Variants in KCNIP4 observed in about 807,000 individuals in gnomAD.
KCNIP4 encodes Kv channel-interacting protein 4.
In KCNIP4, 12 loss-of-function variants were observed where a neutral mutation model predicts 34.0. The observed-to-expected ratio is 0.35, with a 90% CI of 0.23 to 0.57. KCNIP4 has a LOEUF of 0.57. Ranked by LOEUF, KCNIP4 falls within the 20% of genes least tolerant of loss-of-function variation. The probability of loss-of-function intolerance (pLI) is 0.83; values close to 1 mark genes in which losing one functional copy is unlikely to be tolerated. For missense variants in KCNIP4, 238 were observed against 311.7 expected (o/e 0.76, Z 1.78); for synonymous variants, 124 against 102.2 (o/e 1.21, Z -1.29).
chr4:21,208,050 C>T (rs926049085), intron 1 of KCNIP4, among the ~76,000 whole-genome samples: 4 of 151,702 alleles, frequency 2.6e-5, no homozygotes, highest in African/African-American at 9.7e-5. Context: ...GCCATGTTAC[C>T]CAGGCTGGTC....
chr4:21,597,711 G>T (rs1408307466), intron 1 of KCNIP4, among the ~76,000 whole-genome samples: 1 of 152,128 alleles, frequency 6.6e-6, no homozygotes, highest in East Asian at 1.9e-4. Flanking sequence ...GATTGGGGAT[G>T]ACCCAAAATT....
intron 3 of KCNIP4, among the ~76,000 whole-genome samples, chr4:20,806,335 CTT>C (rs1019047548): frequency 6.6e-6 from 1 of 151,844 alleles, no homozygotes; most frequent in Non-Finnish European, 1.5e-5. Context: ...CACCATCTCT[CTT>C]GTGTGCTTTT....
intron 1 of KCNIP4, among the ~76,000 whole-genome samples, chr4:21,319,812 C>T (rs1714181417): frequency 1.3e-5 from 2 of 152,094 alleles, no homozygotes; most frequent in Non-Finnish European, 2.9e-5. Flanking sequence ...TTTTGTTTTA[C>T]AAAACTGGTC....
At position 21,534,321 on chromosome 4, in the gene KCNIP4, T is replaced by C. The variant is rs192679511; in HGVS notation, c.61+414250A>G. On this transcript the variant is annotated intron_variant, in intron 1 of 8. Coordinates refer to ENST00000382152, the MANE Select transcript of KCNIP4 (RefSeq NM_025221.6). ...GCACTAGAAGAGCATATCAGTAATA[T>C]CTTGTTCTTTAAATAAATTACTAGC... Among the ~76,000 whole-genome samples the C allele has an allele frequency of 1.8e-3, 276 of 152,330 alleles. 1 individual carries two copies. Among genetic ancestry groups the C allele is most frequent in the African/African-American group, 6.3e-3 (262 of 41,566 alleles).
intron 1 of KCNIP4, among the ~76,000 whole-genome samples, chr4:21,680,102 A>G (rs979745246): frequency 2.0e-5 from 3 of 152,212 alleles, no homozygotes; most frequent in Admixed American, 6.5e-5. Flanking sequence ...TACCCACAAG[A>G]TAACTTTTTT....
At chr4:21,247,759 T>TATATATATATATATATACACAC (rs1366204923) in intron 1 of KCNIP4, among the ~76,000 whole-genome samples, 5 of 120,012 alleles carry the variant, frequency 4.2e-5, no homozygotes, top group Non-Finnish European at 6.6e-5. Context: ...TATATATATA[T>TATATATATATATATATACACAC]ACACCCCACA....
intron 1 of KCNIP4, among the ~76,000 whole-genome samples, chr4:21,539,224 C>G (rs1737475749): frequency 6.6e-6 from 1 of 152,152 alleles, no homozygotes; most frequent in African/African-American, 2.4e-5. Context: ...CTAATACACT[C>G]TCAAAATCCA....
At chr4:21,589,265 G>GTGTATAT (rs1560540556) in intron 1 of KCNIP4, among the ~76,000 whole-genome samples, 1 of 113,436 alleles carries the variant, frequency 8.8e-6, no homozygotes, top group African/African-American at 3.9e-5. Context: ...TATCTATACA[G>GTGTATAT]ATACATATAT....
At chr4:21,057,317 G>T (rs1414730755) in intron 1 of KCNIP4, among the ~76,000 whole-genome samples, 1 of 152,132 alleles carries the variant, frequency 6.6e-6, no homozygotes, top group Non-Finnish European at 1.5e-5. Flanking sequence ...GAAACACATA[G>T]TTCTGTCATA....
At chr4:21,252,824 G>A (rs1176811055) in intron 1 of KCNIP4, among the ~76,000 whole-genome samples, 1 of 150,594 alleles carries the variant, frequency 6.6e-6, no homozygotes, top group African/African-American at 2.4e-5. Context: ...GAGAGGTAAT[G>A]GGGACCAACA....
At chr4:20,789,420 T>G (rs180823955) in intron 3 of KCNIP4, among the ~76,000 whole-genome samples, 2 of 152,150 alleles carry the variant, frequency 1.3e-5, no homozygotes, top group African/African-American at 4.8e-5. Flanking sequence ...ACAATACAAC[T>G]TTCTAAAAAT....
chr4:21,304,246 A>G (rs1712171337), intron 1 of KCNIP4, among the ~76,000 whole-genome samples: 1 of 152,192 alleles, frequency 6.6e-6, no homozygotes, highest in Non-Finnish European at 1.5e-5. Flanking sequence ...GCAGCCGGAT[A>G]AAGTCGGGCC....
intron 1 of KCNIP4, among the ~76,000 whole-genome samples, chr4:21,835,403 T>C (rs1039753409): frequency 6.6e-5 from 10 of 152,140 alleles, no homozygotes; most frequent in Admixed American, 2.0e-4. Flanking sequence ...AAATGCAATT[T>C]AATTATGAAA....
In KCNIP4 at chr4:21,887,032, C is replaced by T. The variant is rs1726810311; in HGVS notation, c.61+61539G>A. 2.0e-5 allele frequency among the ~76,000 whole-genome samples: 3 copies of T among 152,108 alleles called. No homozygotes were observed. In the South Asian group the frequency reaches 6.2e-4, roughly 32 times the overall value. On this transcript the variant is annotated intron_variant, in intron 1 of 8. Transcript: ENST00000382152. ...AGCAGCAAGCTATTGACATCATTGC[C>T]AGCTTCAGGACAAAGATAAAGTACA... is the stretch of plus-strand genomic sequence containing the variant.
chr4:21,522,963 AG>A (rs1397716468), intron 1 of KCNIP4, among the ~76,000 whole-genome samples: 2 of 151,958 alleles, frequency 1.3e-5, no homozygotes, highest in East Asian at 3.9e-4. Flanking sequence ...TGATGGTGTC[AG>A]GAGATGGGGT....
At chr4:21,318,639 G>A (rs1714041724) in intron 1 of KCNIP4, among the ~76,000 whole-genome samples, 1 of 152,096 alleles carries the variant, frequency 6.6e-6, no homozygotes, top group East Asian at 1.9e-4. Flanking sequence ...CACTACTCGT[G>A]TTTTTTTCTT....
intron 1 of KCNIP4, among the ~76,000 whole-genome samples, chr4:21,541,199 A>G (rs989948555): frequency 1.4e-5 from 2 of 147,424 alleles, no homozygotes; most frequent in Non-Finnish European, 3.0e-5. Context: ...AAAAAAAAAG[A>G]GAGAGAGAGA....
In KCNIP4 at chr4:21,353,757, A is replaced by G. The variant is rs144587326; in HGVS notation, c.62-471048T>C. ...TTATCCAGGAGAACTTCCTCAACCT[A>G]GCAAGGTAGGACAACATTCAAATTC... On this transcript the variant is annotated intron_variant, in intron 1 of 8. Coordinates refer to ENST00000382152, the MANE Select transcript of KCNIP4 (RefSeq NM_025221.6). Among the ~76,000 whole-genome samples, 651 of 152,344 alleles carry G rather than the reference A, an allele frequency of 4.3e-3. 4 individuals carry two copies. Among genetic ancestry groups the G allele is most frequent in the African/African-American group, 0.014 (599 of 41,588 alleles).
chr4:21,344,717 T>C (rs200673898), intron 1 of KCNIP4, among the ~76,000 whole-genome samples: 1 of 152,174 alleles, frequency 6.6e-6, no homozygotes, highest in East Asian at 1.9e-4. Flanking sequence ...AGAATAGGCA[T>C]CAGTATTCCA....
Sources: allele counts gnomAD v4.1 joint callset (sites outside exome capture counted in the v4.1 genomes callset), GRCh38; gene constraint gnomAD v4.1.1; transcripts MANE v1.5; gene names NCBI Gene and HGNC (gene_info 2026-07-23, HGNC 2026-07-21).